GNAT3: variants seen among roughly 807,000 people sequenced by gnomAD.
GNAT3 encodes G protein subunit alpha transducin 3.
A neutral mutation model predicts 37.7 loss-of-function variants in GNAT3; 31 were observed. The ratio of observed to expected loss-of-function variants is 0.82; its 90% CI spans 0.62 to 1.11. GNAT3 has a LOEUF of 1.11. Ranked by LOEUF, GNAT3 falls within the 50% of genes most tolerant of loss-of-function variation. The pLI, the probability that GNAT3 is intolerant of heterozygous loss-of-function variation, is 0.00. For missense variants in GNAT3, 437 were observed against 412.5 expected, an observed-to-expected ratio of 1.06 and a Z score of -0.51; for synonymous variants, 138 against 139.8, an observed-to-expected ratio of 0.99 and a Z score of 0.09.
chr7:80,497,599 TACATATAC>T lies in GNAT3; in HGVS notation c.119-2960_119-2953del, dbSNP rs758665137. On this transcript the variant is annotated intron_variant, in intron 1 of 7. Coordinates refer to ENST00000398291, the MANE Select transcript of GNAT3 (RefSeq NM_001102386.3). Reference sequence around the variant, plus strand: ...ATATACGTATATACATATACGTATATACATATACGTATATACATATACGTATATACATA... The same window carrying T: ...ATATACGTATATACATATACGTATATGTATATACATATACGTATATACATA... 5.0e-3 allele frequency among the ~76,000 whole-genome samples: 601 copies of T among 119,660 alleles called. 22 individuals are homozygous for T. The highest frequency in any genetic ancestry group is 0.016 in the Middle Eastern group (4 of 250). The allele number at this position is 119,660 out of a possible 152,430, so 78.5% of individuals were successfully genotyped here. A position where few individuals can be genotyped will look rare whatever the true frequency, so the allele number is the denominator to read the frequency against.
intron 2 of GNAT3, among the ~76,000 whole-genome samples, chr7:80,493,027 C>T (rs768450925): frequency 5.3e-5 from 8 of 151,650 alleles, no homozygotes; most frequent in Non-Finnish European, 1.0e-4. Flanking sequence ...AATCTATGGG[C>T]CTTTATATAC....
chr7:80,491,745 C>A (rs1201693058), intron 2 of GNAT3, among the ~76,000 whole-genome samples: 1 of 151,974 alleles, frequency 6.6e-6, no homozygotes, highest in South Asian at 2.1e-4. Flanking sequence ...CTGCAACTTA[C>A]CAGAGGCAAA....
At chr7:80,496,832 G>A (rs1199909320) in intron 1 of GNAT3, among the ~76,000 whole-genome samples, 1 of 149,804 alleles carries the variant, frequency 6.7e-6, no homozygotes, top group East Asian at 1.9e-4. Flanking sequence ...CCTAAATTTA[G>A]TTCTATTCAG....
intron 3 of GNAT3, among the ~76,000 whole-genome samples, chr7:80,482,033 C>A (rs901189016): frequency 1.3e-5 from 2 of 152,126 alleles, no homozygotes; most frequent in Non-Finnish European, 2.9e-5. Flanking sequence ...TAAAATCAGG[C>A]AATAACTTAA....
intron 4 of GNAT3, among the ~76,000 whole-genome samples, chr7:80,474,675 CTCT>C (rs925515416): frequency 2.0e-5 from 3 of 152,072 alleles, no homozygotes; most frequent in African/African-American, 7.2e-5. Flanking sequence ...CCCCAGCGTC[CTCT>C]TCTAAAGGCA....
At chr7:80,496,130 C>G (rs1790711494) in intron 1 of GNAT3, among the ~76,000 whole-genome samples, 1 of 152,010 alleles carries the variant, frequency 6.6e-6, no homozygotes, top group Admixed American at 6.6e-5. Flanking sequence ...GGCCAATATC[C>G]AGAAGAGTCT....
chr7:80,462,361 G>A (rs1326485502), intron 6 of GNAT3, 49 bp from the exon 7 acceptor site: 1 of 1,578,872 alleles, frequency 6.3e-7, no homozygotes, highest in Admixed American at 1.7e-5. Flanking sequence ...TTTGCAAAAT[G>A]TGAATGTTGA....
At chr7:80,472,552 G>A (rs1261944808) in intron 5 of GNAT3, among the ~76,000 whole-genome samples, 1 of 152,164 alleles carries the variant, frequency 6.6e-6, no homozygotes, top group Non-Finnish European at 1.5e-5. Flanking sequence ...GGCTTGAAAT[G>A]TTAAAGAACA....
chr7:80,504,275 C>T (rs893039349), intron 1 of GNAT3, among the ~76,000 whole-genome samples: 4 of 151,936 alleles, frequency 2.6e-5, no homozygotes, highest in East Asian at 3.9e-4. Flanking sequence ...GTAATTGCAC[C>T]ACTGCACTCC....
At chr7:80,469,692 C>T (rs1470012732) in intron 5 of GNAT3, among the ~76,000 whole-genome samples, 1 of 152,024 alleles carries the variant, frequency 6.6e-6, no homozygotes, top group Non-Finnish European at 1.5e-5. Context: ...ACATCTTATG[C>T]TATGTGAATA....
chr7:80,491,830 G>T (rs1387410224), intron 2 of GNAT3, among the ~76,000 whole-genome samples: 1 of 152,064 alleles, frequency 6.6e-6, no homozygotes, highest in South Asian at 2.1e-4. Flanking sequence ...ATTCTACTGA[G>T]AAAAGGAAAG....
At chr7:80,468,371 C>A (rs1322740576) in intron 5 of GNAT3, among the ~76,000 whole-genome samples, 3 of 151,972 alleles carry the variant, frequency 2.0e-5, no homozygotes, top group Non-Finnish European at 2.9e-5. Flanking sequence ...AATGCTACTG[C>A]AGGTAATTTA....
At chr7:80,466,566 A>C (rs1790133311) in intron 5 of GNAT3, among the ~76,000 whole-genome samples, 1 of 152,050 alleles carries the variant, frequency 6.6e-6, no homozygotes, top group Non-Finnish European at 1.5e-5. Flanking sequence ...GTTAATGATA[A>C]AAATAATAGT....
At position 80,462,219 on chromosome 7, in the gene GNAT3, C is replaced by A. The variant is rs939987382; in HGVS notation, c.814G>T (p.Asp272Tyr). 1.2e-6 allele frequency: 2 copies of A among 1,607,208 alleles called. No individual in the cohort carries two copies. Among genetic ancestry groups the A allele is most frequent in the South Asian group, 1.1e-5 (1 of 89,996 alleles). The change falls in exon 7 of 8, where the codon GAT becomes TAT. Residue 272 changes from aspartate (D) to tyrosine (Y), a missense_variant. Coordinates refer to ENST00000398291, the MANE Select transcript of GNAT3 (RefSeq NM_001102386.3). ...TSIVLFLNKK[D>Y]IFQEKVTKVH... ...TTGGTTACCTTTTCTTGAAAGATAT[C>A]TTTTTTGTTGAGGAACAGGACAATG...
At position 80,462,611 on chromosome 7, in the gene GNAT3, T is replaced by C; in HGVS notation, c.611A>G (p.Gln204Arg). Residue 204 changes from glutamine (Q) to arginine (R), a missense_variant, in exon 6 of 8, where the codon CAG (glutamine) becomes CGG (arginine). Physicochemically the swap from Gln to Arg is conservative, Grantham distance 43. Transcript: ENST00000398291. ...AATCCACTTCTTTCTCTCAGATCTC[T>C]GTCCACCTACATCAAACATCCTTTA... ...LHFRMFDVGG[Q>R]RSERKKWIHC... The C allele has an allele frequency of 1.2e-6, 2 of 1,610,662 alleles. No homozygotes were observed. The highest frequency in any genetic ancestry group is 1.7e-6 in the Non-Finnish European group (2 of 1,178,046).
intron 2 of GNAT3, among the ~76,000 whole-genome samples, chr7:80,490,478 T>C (rs1334163453): frequency 6.6e-6 from 1 of 152,126 alleles, no homozygotes; most frequent in Non-Finnish European, 1.5e-5. Context: ...AAAGAAAAAG[T>C]GATAAACTCT....
intron 2 of GNAT3, among the ~76,000 whole-genome samples, chr7:80,491,107 G>A (rs551526021): frequency 5.3e-5 from 8 of 152,208 alleles, no homozygotes; most frequent in African/African-American, 1.7e-4. Flanking sequence ...GAGAAGGGAG[G>A]TAGAAGCTCC....
intron 5 of GNAT3, among the ~76,000 whole-genome samples, chr7:80,471,897 G>C (rs6960247): frequency 6.6e-6 from 1 of 151,952 alleles, no homozygotes; most frequent in Non-Finnish European, 1.5e-5. Context: ...TCAGCTCATG[G>C]TGTTACTGTG....
intron 5 of GNAT3, among the ~76,000 whole-genome samples, chr7:80,473,003 C>A (rs778900214): frequency 1.3e-5 from 2 of 151,870 alleles, no homozygotes; most frequent in African/African-American, 4.8e-5. Context: ...TTTTCACTGG[C>A]GTGGGAGGGG....
Sources: gnomAD v4.1 joint callset for allele counts (sites outside exome capture counted in the v4.1 genomes callset) on GRCh38, gnomAD v4.1.1 for gene constraint, MANE v1.5 for transcripts, NCBI Gene and HGNC (gene_info 2026-07-23, HGNC 2026-07-21) for gene names.